Variants in RBFOX1 observed in about 807,000 individuals in gnomAD.
RBFOX1 encodes RNA binding protein fox-1 homolog 1.
Under a neutral mutation model 57.7 loss-of-function variants are expected in RBFOX1, and 8 were observed. The observed-to-expected ratio is 0.14, with a 90% CI of 0.08 to 0.25. The LOEUF is 0.25. RBFOX1 is among the 10% of genes least tolerant of loss of function. The pLI is 1.00. For synonymous variants in RBFOX1, 326 were observed against 222.4 expected, an observed-to-expected ratio of 1.47 and a Z score of -4.15; for missense variants, 611 against 548.5, an observed-to-expected ratio of 1.11 and a Z score of -1.14.
At chr16:5,400,980 C>A (rs1321808573) in intron 1 of RBFOX1, among the ~76,000 whole-genome samples, 1 of 152,080 alleles carries the variant, frequency 6.6e-6, no homozygotes, top group Non-Finnish European at 1.5e-5. Flanking sequence ...AGAAGTTACT[C>A]CTAATATGTC....
chr16:5,658,012 G>A (rs184945772), intron 3 of RBFOX1, among the ~76,000 whole-genome samples: 10 of 152,168 alleles, frequency 6.6e-5, no homozygotes, highest in African/African-American at 1.7e-4. Context: ...TATTACAGGC[G>A]TGAGCCACTG....
Position 6,019,536 on chromosome 16 carries a change from C to A in RBFOX1, c.-583C>A. ...GTGGGGCGGGGGCGCTCTGCCAGCCCCGGGAACAGCAGAGGCGGCGGCACT... is the reference window on the plus strand; with the variant it reads ...GTGGGGCGGGGGCGCTCTGCCAGCCACGGGAACAGCAGAGGCGGCGGCACT... On this transcript the variant is annotated 5_prime_UTR_variant, in exon 1 of 16. Transcript: ENST00000550418. This position sits in a 1 kb window ranked among gnomAD's most constrained non-coding sequence, Gnocchi z 4.2. 9.2e-7 allele frequency: 1 copy of A among 1,085,576 alleles called. No homozygotes were observed. Among genetic ancestry groups the A allele is most frequent in the East Asian group, 5.5e-5 (1 of 18,220 alleles). 67.2% of individuals were successfully genotyped at this position (1,085,576 alleles called of 1,614,324 possible). A position where few individuals can be genotyped will look rare whatever the true frequency, so the allele number is the denominator to read the frequency against.
At chr16:7,035,879 C>G (rs1381372327) in intron 3 of RBFOX1, among the ~76,000 whole-genome samples, 1 of 149,224 alleles carries the variant, frequency 6.7e-6, no homozygotes, top group African/African-American at 2.4e-5. Flanking sequence ...AGAATGTGAA[C>G]ACAGACACAC....
At chr16:7,365,801 A>G (rs570892836) in intron 4 of RBFOX1, among the ~76,000 whole-genome samples, 4 of 152,228 alleles carry the variant, frequency 2.6e-5, no homozygotes, top group Non-Finnish European at 5.9e-5. Context: ...GTGATGACTC[A>G]ACAGGGAAGA....
chr16:7,623,212 G>A (rs2059575181), intron 10 of RBFOX1, among the ~76,000 whole-genome samples: 1 of 152,158 alleles, frequency 6.6e-6, no homozygotes, highest in South Asian at 2.1e-4. Flanking sequence ...AACCATTTTG[G>A]CACCCGGGTT....
chr16:6,987,383 G>A (rs1269757758), intron 3 of RBFOX1, among the ~76,000 whole-genome samples: 2 of 150,588 alleles, frequency 1.3e-5, no homozygotes, highest in Non-Finnish European at 2.9e-5. Context: ...CACTACCATG[G>A]TTTCTGATTC....
At chr16:7,327,813 C>CT (rs5741745) in intron 4 of RBFOX1, among the ~76,000 whole-genome samples, 20,549 of 149,226 alleles carry the variant, frequency 0.14, 1,909 homozygotes, top group African/African-American at 0.27. Context: ...ACAATATTAC[C>CT]TTTTTTTTTT....
chr16:6,637,123 T>A lies in RBFOX1; in HGVS notation c.-63-17480T>A, dbSNP rs1263053855. On this transcript the variant is annotated intron_variant, in intron 2 of 15. Transcript: ENST00000550418. ...TATATATATTATATAATATATAAAT[T>A]TATATTATATATTAAATATATAATA... Among the ~76,000 whole-genome samples the A allele has an allele frequency of 4.0e-3, 354 of 88,212 alleles. 44 individuals are homozygous for A. Among genetic ancestry groups the A allele is most frequent in the African/African-American group, 9.8e-3 (181 of 18,476 alleles). 57.9% of individuals were successfully genotyped at this position (88,212 alleles called of 152,430 possible).
intron 2 of RBFOX1, among the ~76,000 whole-genome samples, chr16:6,500,781 C>A (rs77324153): frequency 6.6e-6 from 1 of 151,950 alleles, no homozygotes; most frequent in South Asian, 2.1e-4. Flanking sequence ...GATTATAAAC[C>A]AACTGTGATA....
At chr16:5,372,570 T>G (rs1398484608) in intron 1 of RBFOX1, among the ~76,000 whole-genome samples, 2 of 152,198 alleles carry the variant, frequency 1.3e-5, no homozygotes, top group African/African-American at 4.8e-5. Flanking sequence ...GGGGGTGGTT[T>G]AGCCGTGGAG....
intron 2 of RBFOX1, among the ~76,000 whole-genome samples, chr16:6,501,727 G>A (rs527446416): frequency 6.6e-6 from 1 of 152,196 alleles, no homozygotes; most frequent in African/African-American, 2.4e-5. Flanking sequence ...GACCTGTACT[G>A]GGCGCTGTGC....
At chr16:6,286,223 TTCTTC>T (rs2076896959) in intron 1 of RBFOX1, among the ~76,000 whole-genome samples, 1 of 152,142 alleles carries the variant, frequency 6.6e-6, no homozygotes. Flanking sequence ...CATCCCTGGT[TTCTTC>T]TCTTCTCCAA....
chr16:6,423,594 C>A (rs2093836123), intron 2 of RBFOX1, among the ~76,000 whole-genome samples: 3 of 152,016 alleles, frequency 2.0e-5, no homozygotes, highest in African/African-American at 7.2e-5. Context: ...CAGACTGAGA[C>A]TCTGTCTCAA....
At chr16:7,183,988 G>A (rs1567608240) in intron 4 of RBFOX1, among the ~76,000 whole-genome samples, 1 of 152,180 alleles carries the variant, frequency 6.6e-6, no homozygotes, top group African/African-American at 2.4e-5. Flanking sequence ...ACTGAAATAG[G>A]ATGATGTGAA....
At chr16:6,889,397 A>C (rs150221309) in intron 3 of RBFOX1, among the ~76,000 whole-genome samples, 53 of 152,344 alleles carry the variant, frequency 3.5e-4, no homozygotes, top group African/African-American at 1.3e-3. Context: ...GATATCTTAC[A>C]TATGACGGCT....
At chr16:7,310,394 A>C (rs1226830967) in intron 4 of RBFOX1, among the ~76,000 whole-genome samples, 1 of 152,206 alleles carries the variant, frequency 6.6e-6, no homozygotes, top group Non-Finnish European at 1.5e-5. Flanking sequence ...CCGGCTAAAA[A>C]AGTGACAGAA....
Position 7,460,046 on chromosome 16 carries a change from G to C in RBFOX1, c.28-58101G>C, listed in dbSNP as rs573902581. Among the ~76,000 whole-genome samples, 43 of 152,146 alleles carry C rather than the reference G, an allele frequency of 2.8e-4. No homozygotes were observed. In the Middle Eastern group the frequency reaches 0.014, roughly 48 times the overall value. On this transcript the variant is annotated intron_variant, in intron 4 of 15. Coordinates refer to ENST00000550418, the MANE Select transcript of RBFOX1 (RefSeq NM_018723.4). ...CAAGAATGTTAGCAAGAATTCAAGG[G>C]ATGAGGCAGACTTAGGGTTAGATAA...
intron 4 of RBFOX1, among the ~76,000 whole-genome samples, chr16:7,201,207 C>T (rs746242870): frequency 6.6e-6 from 1 of 152,136 alleles, no homozygotes; most frequent in Non-Finnish European, 1.5e-5. Flanking sequence ...GTATATGCAC[C>T]TCTCAGGGAG....
chr16:6,369,454 C>T (rs2090125303), intron 2 of RBFOX1, among the ~76,000 whole-genome samples: 1 of 152,184 alleles, frequency 6.6e-6, no homozygotes, highest in Non-Finnish European at 1.5e-5. Context: ...CCCAACAGTG[C>T]AACCACTCAT....
Sources: gnomAD v4.1 joint callset for allele counts (sites outside exome capture counted in the v4.1 genomes callset) on GRCh38, gnomAD v4.1.1 for gene constraint, Gnocchi (gnomAD v3.1) non-coding constraint, MANE v1.5 for transcripts, NCBI Gene and HGNC (gene_info 2026-07-23, HGNC 2026-07-21) for gene names.